Variants in MKRN2OS observed in about 807,000 individuals in gnomAD.
The protein encoded by MKRN2OS is MKRN2 opposite strand protein.
A neutral mutation model predicts 18.2 loss-of-function variants in MKRN2OS; 17 were observed. The ratio of observed to expected loss-of-function variants is 0.93; its 90% confidence interval spans 0.64 to 1.40. The LOEUF is 1.40. Among genes scored for constraint, MKRN2OS ranks in the 40% most tolerant of loss-of-function variants. The pLI, the probability that MKRN2OS is intolerant of heterozygous loss-of-function variation, is 0.00. For synonymous variants in MKRN2OS, 121 were observed against 108.5 expected (o/e 1.12, Z -0.72); for missense variants, 337 against 283.0 (o/e 1.19, Z -1.37).
In MKRN2OS at chr3:12,545,409, T is replaced by C; in HGVS notation, c.56A>G (p.Tyr19Cys). The C allele has an allele frequency of 6.5e-7, 1 of 1,535,526 alleles. No individual in the cohort carries two copies. ...CTGGGGCACACTGAAGCTGTAGATG[T>C]ATTTCTCACAGTGGTTGAATTTAAT... ...ALIKFNHCEK[Y>C]IYSFSVPQCC... Residue 19 changes from tyrosine (Y) to cysteine (C), a missense_variant, in exon 1 of 4, where the codon TAC (tyrosine) becomes TGC (cysteine). By Grantham distance (194) the Tyr-to-Cys change is radical. Transcript: ENST00000564146.
At chr3:12,548,900 TGTA>T (rs1180767566), upstream of MKRN2OS, among the ~76,000 whole-genome samples, 1 of 152,138 alleles carries the variant, frequency 6.6e-6, no homozygotes, top group East Asian at 1.9e-4. Flanking sequence ...CTACATAAAT[TGTA>T]GTTTTTAAAA....
In MKRN2OS at chr3:12,541,964, C is replaced by G. The variant is rs532472249; in HGVS notation, c.327G>C (p.Glu109Asp). Reference sequence around the variant, plus strand: ...GCTGCAGTAATGGGATGCTTATGCTCTCTTCCCACCCTTCTCCGTCTCGCT... The same window carrying G: ...GCTGCAGTAATGGGATGCTTATGCTGTCTTCCCACCCTTCTCCGTCTCGCT... ...GVQRDGEGWEESISIPLLQPN... is the reference protein window; with the variant it reads ...GVQRDGEGWEDSISIPLLQPN... The change falls in exon 3 of 4, where the codon GAG becomes GAC. Residue 109 changes from glutamate to aspartate, a missense_variant. Glu to Asp is a conservative substitution (Grantham distance 45). Transcript: ENST00000564146. 405 of 1,536,092 alleles carry G rather than the reference C, an allele frequency of 2.6e-4. 2 individuals carry two copies. The South Asian group carries it at 4.3e-3, about 16-fold the overall frequency.
intron 3 of MKRN2OS, among the ~76,000 whole-genome samples, chr3:12,541,126 C>T (rs2442815): frequency 0.97 from 147,736 of 152,158 alleles, 71,754 homozygotes; most frequent in East Asian, 1. Context: ...AATCCACAAA[C>T]ATGCTATACG....
At chr3:12,545,799 C>A (rs573464730), upstream of MKRN2OS, among the ~76,000 whole-genome samples, 1 of 152,108 alleles carries the variant, frequency 6.6e-6, no homozygotes, top group Non-Finnish European at 1.5e-5. Flanking sequence ...TTCATATTTC[C>A]GTCAGAACTC....
chr3:12,546,406 T>A (rs1336412277), upstream of MKRN2OS, among the ~76,000 whole-genome samples: 1 of 152,042 alleles, frequency 6.6e-6, no homozygotes, highest in Non-Finnish European at 1.5e-5. Context: ...TCCAGGGCTG[T>A]TGTGACTCAT....
At chr3:12,544,994 T>G (rs2057866207) in intron 1 of MKRN2OS, among the ~76,000 whole-genome samples, 1 of 152,220 alleles carries the variant, frequency 6.6e-6, no homozygotes, top group Non-Finnish European at 1.5e-5. Flanking sequence ...TATTTTTCTC[T>G]CTGAAAATCA....
At chr3:12,546,325 C>G (rs1359832991), upstream of MKRN2OS, among the ~76,000 whole-genome samples, 1 of 151,790 alleles carries the variant, frequency 6.6e-6, no homozygotes, top group Non-Finnish European at 1.5e-5. Flanking sequence ...GTTAACAGCC[C>G]TGTTAGAAAT....
chr3:12,546,574 G>GCTTTTT (rs1559382062), upstream of MKRN2OS, among the ~76,000 whole-genome samples: 1 of 125,056 alleles, frequency 8.0e-6, no homozygotes, highest in Non-Finnish European at 1.7e-5. Context: ...GGGTACATGG[G>GCTTTTT]ATTTTTTTTT....
chr3:12,557,036 CCGGCGTGCGCCGGCGTGACG>C, intron 1 of MKRN2OS: 2 of 1,117,868 alleles, frequency 1.8e-6, no homozygotes, highest in South Asian at 2.8e-5. Flanking sequence ...GCGGCGTGCG[CCGGCGTGCGCCGGCGTGACG>C]CGGCTACGCG....
At chr3:12,557,114 G>C (rs1282594794) in intron 1 of MKRN2OS, 5 of 1,493,032 alleles carry the variant, frequency 3.3e-6, no homozygotes, top group Non-Finnish European at 4.4e-6. Context: ...GGCTGCGAGA[G>C]GCGGCGGCAC....
In MKRN2OS at chr3:12,545,433, A is replaced by G. The variant is rs1017898000; in HGVS notation, c.32T>C (p.Ile11Thr). Reference sequence around the variant, plus strand: ...GTATTTCTCACAGTGGTTGAATTTAATTAAAGCCTTCCCAGCCTCTGCGCA... The same window carrying G: ...GTATTTCTCACAGTGGTTGAATTTAGTTAAAGCCTTCCCAGCCTCTGCGCA... Reference protein sequence around the residue: MHCAEAGKALIKFNHCEKYIY... With the variant: MHCAEAGKALTKFNHCEKYIY... Residue 11 changes from isoleucine to threonine, a missense_variant, in exon 1 of 4, where the codon ATT becomes ACT. Coordinates refer to ENST00000564146, the MANE Select transcript of MKRN2OS (RefSeq NM_001195279.2). 7 of 1,534,612 alleles carry G rather than the reference A, an allele frequency of 4.6e-6. No homozygotes were observed. The East Asian group carries it at 7.3e-5, about 16-fold the overall frequency.
At chr3:12,556,919 C>T (rs1302381695) in intron 1 of MKRN2OS, 2 of 406,028 alleles carry the variant, frequency 4.9e-6, no homozygotes, top group Non-Finnish European at 8.5e-6. Context: ...AAGTGCGGGA[C>T]ACCGAGAGCA....
chr3:12,539,939 C>T lies in MKRN2OS; in HGVS notation c.*254G>A. 1 of 448,604 alleles carries T rather than the reference C, an allele frequency of 2.2e-6. No homozygotes were observed. 27.8% of individuals were successfully genotyped at this position (448,604 alleles called of 1,614,324 possible). ...TAGTTGGGATTACAGGCATGCGCCACCATGCCCAGCTAATTTTATATTTTT... is the reference window on the plus strand; with the variant it reads ...TAGTTGGGATTACAGGCATGCGCCATCATGCCCAGCTAATTTTATATTTTT... On this transcript the variant is annotated 3_prime_UTR_variant, in exon 4 of 4. Transcript: ENST00000564146.
chr3:12,557,892 T>C (rs755094471), intron 1 of MKRN2OS, among the ~76,000 whole-genome samples: 69 of 152,356 alleles, frequency 4.5e-4, no homozygotes, highest in Non-Finnish European at 7.5e-4. Flanking sequence ...GGATGGTTTA[T>C]TGTAGAAAAT....
intron 3 of MKRN2OS, among the ~76,000 whole-genome samples, chr3:12,541,527 G>GT (rs150371406): frequency 0.011 from 1,738 of 151,876 alleles, 27 homozygotes; most frequent in African/African-American, 0.039. Flanking sequence ...CCTGAATATT[G>GT]TTTTTTTTAA....
At chr3:12,550,502 A>T (rs527920652), downstream of MKRN2OS, among the ~76,000 whole-genome samples, 61 of 152,338 alleles carry the variant, frequency 4.0e-4, 1 homozygote, top group African/African-American at 8.2e-4. Context: ...TACATTTGTC[A>T]AAACCCATAG....
downstream of MKRN2OS, among the ~76,000 whole-genome samples, chr3:12,550,544 C>G (rs1276810226): frequency 2.0e-5 from 3 of 152,198 alleles, no homozygotes. Flanking sequence ...AAGACCCCAT[C>G]TCTACAAAAA....
chr3:12,548,330 C>T (rs978511254), upstream of MKRN2OS, among the ~76,000 whole-genome samples: 22 of 152,086 alleles, frequency 1.4e-4, no homozygotes, highest in African/African-American at 5.1e-4. Flanking sequence ...TGTCTGCAGT[C>T]CCAGCTACTC....
At chr3:12,542,463 GT>G (rs2057827679) in intron 2 of MKRN2OS, among the ~76,000 whole-genome samples, 1 of 152,162 alleles carries the variant, frequency 6.6e-6, no homozygotes. Flanking sequence ...GTCCAGAACT[GT>G]TCTGGGTTTC....
Sources: gnomAD v4.1 joint callset for allele counts (sites outside exome capture counted in the v4.1 genomes callset) on GRCh38, gnomAD v4.1.1 for gene constraint, MANE v1.5 for transcripts, NCBI Gene and HGNC (gene_info 2026-07-23, HGNC 2026-07-21) for gene names.